Variants in DUT observed in about 807,000 individuals in gnomAD.
DUT encodes the protein deoxyuridine triphosphatase, also known as deoxyuridine 5'-triphosphate nucleotidohydrolase, mitochondrial.
Under a neutral mutation model 28.8 loss-of-function variants are expected in DUT, and 21 were observed. That is an observed-to-expected ratio of 0.73 (90% confidence interval 0.52 to 1.05). The LOEUF (loss-of-function observed/expected upper bound fraction) is 1.05, where lower values mean the gene tolerates loss of function less well. DUT is among the 50% of genes least tolerant of loss of function. The pLI is 0.00. For synonymous variants in DUT, 147 were observed against 143.7 expected (o/e 1.02, Z -0.17); for missense variants, 344 against 351.8 (o/e 0.98, Z 0.18).
At chr15:48,340,750 G>A (rs560026929) in intron 4 of DUT, among the ~76,000 whole-genome samples, 1 of 152,290 alleles carries the variant, frequency 6.6e-6, no homozygotes, top group East Asian at 1.9e-4. Context: ...AGGAGAGGAA[G>A]ATTATGAACT....
intron 1 of DUT, 33 bp downstream of exon 1, chr15:48,331,828 T>C (rs1047533633): frequency 1.2e-5 from 14 of 1,190,692 alleles, no homozygotes; most frequent in Non-Finnish European, 1.3e-5. Flanking sequence ...TCCGGCCGTC[T>C]GGAAGGAATC....
At position 48,331,764 on chromosome 15, in the gene DUT, T is replaced by C; in HGVS notation, c.249T>C (p.Pro83=). The C allele has an allele frequency of 7.1e-7, 1 of 1,401,584 alleles. No individual in the cohort carries two copies. The highest frequency in any genetic ancestry group is 9.2e-7 in the Non-Finnish European group (1 of 1,081,906). The allele number at this position is 1,401,584 out of a possible 1,614,324, so 86.8% of individuals were successfully genotyped here. ...CCGCTGGCTGGAAGGGCGAGCTTCC[T>C]AAGGCGGGGGGAAGCCCGGCGCCGG... is the stretch of plus-strand genomic sequence containing the variant. ...VGAAGWKGEL[P]KAGGSPAPGP... Residue 83 remains proline, a synonymous_variant, in exon 1 of 7, where the codon CCT becomes CCC. Coordinates refer to ENST00000331200, the MANE Select transcript of DUT (RefSeq NM_001025248.2).
chr15:48,340,054 T>G (rs1405032730), intron 4 of DUT: 1 of 152,192 alleles, frequency 6.6e-6, no homozygotes, highest in Non-Finnish European at 1.5e-5. Context: ...TTTCTCAGCT[T>G]TCAAATAATG....
intron 3 of DUT, 141 bp from the exon 4 acceptor site, chr15:48,335,905 T>C (rs575995334): frequency 3.0e-6 from 2 of 669,362 alleles, no homozygotes; most frequent in East Asian, 6.2e-5. Context: ...ATATATTCTT[T>C]AATTCAAAAC....
chr15:48,341,634 T>A, intron 6 of DUT, 49 bp downstream of exon 6: 1 of 1,398,232 alleles, frequency 7.2e-7, no homozygotes, highest in Non-Finnish European at 1.0e-6. Flanking sequence ...ACATCTTAAG[T>A]GAAGAAATAT....
At chr15:48,332,837 G>A (rs905966938) in intron 2 of DUT, 9 of 452,432 alleles carry the variant, frequency 2.0e-5, no homozygotes, top group African/African-American at 1.4e-4. Context: ...GGCCCAGGGC[G>A]GAATTTGAGA....
intron 5 of DUT, 51 bp from the exon 6 acceptor site, chr15:48,341,464 A>T (rs778179004): frequency 1.9e-6 from 3 of 1,577,046 alleles, no homozygotes; most frequent in Non-Finnish European, 2.6e-6. Context: ...ATAAGACAGG[A>T]TATGGCGAAT....
intron 5 of DUT, 30 bp downstream of exon 5, chr15:48,341,393 T>G: frequency 6.3e-7 from 1 of 1,580,048 alleles, no homozygotes; most frequent in Non-Finnish European, 8.7e-7. Flanking sequence ...TCACATAATT[T>G]TAGTGAATTT....
chr15:48,341,395 A>T, intron 5 of DUT, 32 bp downstream of exon 5: 2 of 1,574,008 alleles, frequency 1.3e-6, no homozygotes, highest in African/African-American at 2.7e-5. Flanking sequence ...ACATAATTTT[A>T]GTGAATTTTC....
chr15:48,331,510 G>A lies in DUT; in HGVS notation c.-6G>A, dbSNP rs200574294. On this transcript the variant is annotated 5_prime_UTR_variant, in exon 1 of 7. Transcript: ENST00000331200. Reference sequence around the variant, plus strand: ...GAGGACCCAACCAGCCCAAACTCTGGGGGAAATGACTCCCCTCTGCCCTCG... The same window carrying A: ...GAGGACCCAACCAGCCCAAACTCTGAGGGAAATGACTCCCCTCTGCCCTCG... The A allele has an allele frequency of 2.5e-6, 4 of 1,611,518 alleles. No individual in the cohort carries two copies. Among genetic ancestry groups the A allele is most frequent in the African/African-American group, 2.7e-5 (2 of 74,798 alleles).
At chr15:48,332,750 A>G in intron 2 of DUT, 1 of 531,578 alleles carries the variant, frequency 1.9e-6, no homozygotes, top group Non-Finnish European at 3.6e-6. Context: ...GAGAGCCTAG[A>G]TGTGAGCGTG....
At chr15:48,336,329 TTAAG>T (rs1474780124) in intron 4 of DUT, among the ~76,000 whole-genome samples, 2 of 152,126 alleles carry the variant, frequency 1.3e-5, no homozygotes, top group African/African-American at 2.4e-5. Context: ...GATATAATAA[TTAAG>T]TAATTATTTA....
chr15:48,336,978 AC>A (rs1375115825), intron 4 of DUT, among the ~76,000 whole-genome samples: 1 of 152,108 alleles, frequency 6.6e-6, no homozygotes, highest in Non-Finnish European at 1.5e-5. Context: ...CATCCCCCTC[AC>A]CAACTAAACA....
chr15:48,337,732 A>G (rs1348888636), intron 4 of DUT, among the ~76,000 whole-genome samples: 1 of 152,216 alleles, frequency 6.6e-6, no homozygotes. Flanking sequence ...TATTCATAAA[A>G]TCACATTGTG....
chr15:48,331,327 C>T (rs12592157), upstream of DUT: 928 of 1,441,180 alleles, frequency 6.4e-4, 7 homozygotes, highest in African/African-American at 0.012. Flanking sequence ...CCAACGGCGC[C>T]GTCTTCCTGG....
At chr15:48,332,190 G>A (rs2141156333) in intron 1 of DUT, 78 bp from the exon 2 acceptor site, 4 of 1,497,024 alleles carry the variant, frequency 2.7e-6, no homozygotes, top group Middle Eastern at 2.4e-4. Flanking sequence ...TCCCTGCGGC[G>A]ACGCTCATCG....
Position 48,337,526 on chromosome 15 carries a change from A to G in DUT, c.556+1436A>G, listed in dbSNP as rs150666732. On this transcript the variant is annotated intron_variant, in intron 4 of 6. Transcript: ENST00000331200. Reference sequence around the variant, plus strand: ...AAATGATAATGTGTATGAAATACCTAATATAGTACTTGGCACATATTAGAT... The same window carrying G: ...AAATGATAATGTGTATGAAATACCTGATATAGTACTTGGCACATATTAGAT... 2.3e-3 allele frequency among the ~76,000 whole-genome samples: 355 copies of G among 152,306 alleles called. 2 individuals are homozygous for G. The highest frequency in any genetic ancestry group is 8.2e-3 in the African/African-American group (340 of 41,564).
Position 48,342,383 on chromosome 15 carries a change from C to A in DUT, c.*305C>A. On this transcript the variant is annotated 3_prime_UTR_variant, in exon 7 of 7. Coordinates refer to ENST00000331200, the MANE Select transcript of DUT (RefSeq NM_001025248.2). ...TGTCTTCTTAAAATCAAATGTAAATCAATTACAGATTAAAAAAAAAAGCCT... is the reference window on the plus strand; with the variant it reads ...TGTCTTCTTAAAATCAAATGTAAATAAATTACAGATTAAAAAAAAAAGCCT... The A allele has an allele frequency of 1.1e-5, 2 of 175,578 alleles. No individual in the cohort carries two copies. The highest frequency in any genetic ancestry group is 1.2e-5 in the Non-Finnish European group (1 of 84,534). The allele number at this position is 175,578 out of a possible 1,614,324, so 10.9% of individuals were successfully genotyped here.
At chr15:48,331,371 G>A (rs1400356586), upstream of DUT, 10 of 1,466,960 alleles carry the variant, frequency 6.8e-6, no homozygotes, top group South Asian at 1.4e-5. Context: ...TGGGCTGCCG[G>A]GGCACCGCCT....
Sources: gnomAD v4.1 joint callset for allele counts (sites outside exome capture counted in the v4.1 genomes callset) on GRCh38, gnomAD v4.1.1 for gene constraint, MANE v1.5 for transcripts, NCBI Gene and HGNC (gene_info 2026-07-23, HGNC 2026-07-21) for gene names.